Variants in ITGBL1 observed in about 807,000 individuals in gnomAD.
ITGBL1 encodes integrin beta-like protein 1.
ITGBL1 carries 51 observed loss-of-function variants against 68.5 expected under a neutral mutation model. The observed-to-expected ratio is 0.74, with a 90% CI of 0.59 to 0.94. The LOEUF (loss-of-function observed/expected upper bound fraction) is 0.94, where lower values mean the gene tolerates loss of function less well. Among genes scored for constraint, ITGBL1 ranks in the 40% least tolerant of loss-of-function variants. The pLI is 0.00. For missense variants in ITGBL1, 649 were observed against 647.4 expected (o/e 1.00, Z -0.03); for synonymous variants, 209 against 227.3 (o/e 0.92, Z 0.72).
intron 7 of ITGBL1, among the ~76,000 whole-genome samples, chr13:101,616,048 A>G (rs2031348708): frequency 6.6e-6 from 1 of 152,188 alleles, no homozygotes; most frequent in Admixed American, 6.5e-5. Flanking sequence ...TAAGACAAGT[A>G]TCAAAGTTCA....
intron 8 of ITGBL1, among the ~76,000 whole-genome samples, chr13:101,695,011 T>C (rs887514701): frequency 6.6e-6 from 1 of 152,140 alleles, no homozygotes; most frequent in African/African-American, 2.4e-5. Flanking sequence ...GAGCATTTGC[T>C]CTCCTGGAGC....
At position 101,598,200 on chromosome 13, in the gene ITGBL1, T is replaced by C. The variant is rs765652794; in HGVS notation, c.916T>C (p.Tyr306His). The C allele has an allele frequency of 1.9e-6, 3 of 1,613,664 alleles. No individual in the cohort carries two copies. Among genetic ancestry groups the C allele is most frequent in the Non-Finnish European group, 2.5e-6 (3 of 1,179,844 alleles). The change falls in exon 7 of 11, where the codon TAT becomes CAT. Residue 306 changes from tyrosine to histidine, a missense_variant. Transcript: ENST00000376180. Reference sequence around the variant, plus strand: ...AAGATGTGACTGCAAAGCAGGCTGGTATGGGAAGAAGTGTGAGCACCCACA... The same window carrying C: ...AAGATGTGACTGCAAAGCAGGCTGGCATGGGAAGAAGTGTGAGCACCCACA... The part of the protein sequence containing the change: ...CGRCDCKAGW[Y>H]GKKCEHPQSC...
chr13:101,508,034 A>G (rs944476531), intron 2 of ITGBL1, among the ~76,000 whole-genome samples: 2 of 151,996 alleles, frequency 1.3e-5, no homozygotes, highest in African/African-American at 2.4e-5. Flanking sequence ...TCAAAAGTCA[A>G]CTCTGATGAG....
intron 2 of ITGBL1, among the ~76,000 whole-genome samples, chr13:101,540,773 C>T (rs1452495943): frequency 6.6e-6 from 1 of 151,482 alleles, no homozygotes; most frequent in African/African-American, 2.4e-5. Context: ...CCTTCACATC[C>T]CTTGTAAGTT....
intron 8 of ITGBL1, among the ~76,000 whole-genome samples, chr13:101,701,465 G>A (rs1169639794): frequency 6.6e-6 from 1 of 152,030 alleles, no homozygotes; most frequent in Non-Finnish European, 1.5e-5. Context: ...CCCGGGAGTC[G>A]GAGGGTGCAG....
chr13:101,715,788 G>A lies in ITGBL1; in HGVS notation c.*134G>A, dbSNP rs1249173666. The A allele has an allele frequency of 1.9e-5, 11 of 566,908 alleles. No individual in the cohort carries two copies. Among genetic ancestry groups the A allele is most frequent in the South Asian group, 1.7e-4 (6 of 35,160 alleles). The allele number at this position is 566,908 out of a possible 1,614,324, so 35.1% of individuals were successfully genotyped here. The stretch of plus-strand genomic sequence containing the variant: ...GTATGTTTTTCTATTTCTGAATTAC[G>A]AATGAAATCCGAGTACCTATTAGAA... On this transcript the variant is annotated 3_prime_UTR_variant, in exon 11 of 11. Coordinates refer to ENST00000376180, the MANE Select transcript of ITGBL1 (RefSeq NM_004791.3).
chr13:101,695,436 A>G (rs1241769239), intron 8 of ITGBL1, among the ~76,000 whole-genome samples: 1 of 152,198 alleles, frequency 6.6e-6, no homozygotes, highest in Non-Finnish European at 1.5e-5. Context: ...AAACATGTTA[A>G]TAACTTGAGG....
rs113752370 is a variant in ITGBL1, at chr13:101,505,329, C to T, written c.316+51229C>T. Among the ~76,000 whole-genome samples, 837 of 152,158 alleles carry T rather than the reference C, an allele frequency of 5.5e-3. 4 individuals carry two copies. The highest frequency in any genetic ancestry group is 0.019 in the African/African-American group (791 of 41,536). On this transcript the variant is annotated intron_variant, in intron 2 of 10. Coordinates refer to ENST00000376180, the MANE Select transcript of ITGBL1 (RefSeq NM_004791.3). ...TTTTAACCTATTTTATGAACACTTC[C>T]TGAGTCCCTACTGTGGACTGGATGT...
chr13:101,483,244 G>A (rs1371276191), intron 2 of ITGBL1, among the ~76,000 whole-genome samples: 1 of 152,202 alleles, frequency 6.6e-6, no homozygotes, highest in Non-Finnish European at 1.5e-5. Context: ...GACTCAGGGA[G>A]TATCTCTGTC....
intron 2 of ITGBL1, among the ~76,000 whole-genome samples, chr13:101,552,885 A>G (rs2049943780): frequency 6.6e-6 from 1 of 152,182 alleles, no homozygotes. Flanking sequence ...CCATTTCACA[A>G]ATTTATTTGA....
chr13:101,459,275 C>A (rs2048286301), intron 2 of ITGBL1, among the ~76,000 whole-genome samples: 1 of 152,106 alleles, frequency 6.6e-6, no homozygotes, highest in Non-Finnish European at 1.5e-5. Context: ...ATGTTGTTAA[C>A]CTTGAGCCAG....
intron 2 of ITGBL1, among the ~76,000 whole-genome samples, chr13:101,534,261 T>C (rs1204200976): frequency 2.6e-5 from 4 of 152,110 alleles, no homozygotes; most frequent in African/African-American, 7.2e-5. Flanking sequence ...GGCTACTCTT[T>C]CCAGAAGCTT....
intron 2 of ITGBL1, among the ~76,000 whole-genome samples, chr13:101,513,077 G>A (rs1329685773): frequency 6.6e-6 from 1 of 152,048 alleles, no homozygotes; most frequent in Non-Finnish European, 1.5e-5. Flanking sequence ...TTATCGATGA[G>A]AACTTCTAAA....
chr13:101,482,751 C>A (rs577096481), intron 2 of ITGBL1, among the ~76,000 whole-genome samples: 69 of 151,892 alleles, frequency 4.5e-4, no homozygotes, highest in African/African-American at 1.6e-3. Flanking sequence ...TATTTGGGGT[C>A]CGTATAATAG....
intron 2 of ITGBL1, among the ~76,000 whole-genome samples, chr13:101,504,574 C>T (rs1272317603): frequency 1.3e-5 from 2 of 152,028 alleles, no homozygotes; most frequent in African/African-American, 2.4e-5. Flanking sequence ...TATTTACAAC[C>T]AACATTTTAG....
chr13:101,576,770 G>A (rs1237601089), intron 4 of ITGBL1, among the ~76,000 whole-genome samples: 1 of 152,028 alleles, frequency 6.6e-6, no homozygotes, highest in African/African-American at 2.4e-5. Flanking sequence ...AAACTACCTG[G>A]ATAAAACAAA....
chr13:101,467,077 C>G (rs2048391908), intron 2 of ITGBL1, among the ~76,000 whole-genome samples: 1 of 152,142 alleles, frequency 6.6e-6, no homozygotes. Flanking sequence ...CAGGCTCCCC[C>G]AAGCCTCTTT....
At chr13:101,605,978 A>ATG (rs1417455797) in intron 7 of ITGBL1, among the ~76,000 whole-genome samples, 1 of 146,852 alleles carries the variant, frequency 6.8e-6, no homozygotes, top group Non-Finnish European at 1.5e-5. Context: ...ATATGCATAT[A>ATG]TGTGTATATA....
intron 3 of ITGBL1, among the ~76,000 whole-genome samples, chr13:101,573,501 G>A (rs2050305929): frequency 6.6e-6 from 1 of 152,108 alleles, no homozygotes; most frequent in Non-Finnish European, 1.5e-5. Flanking sequence ...GAAAATGTTT[G>A]TAAATATGAT....
Sources: gnomAD v4.1 joint callset for allele counts (sites outside exome capture counted in the v4.1 genomes callset) on GRCh38, gnomAD v4.1.1 for gene constraint, MANE v1.5 for transcripts, NCBI Gene and HGNC (gene_info 2026-07-23, HGNC 2026-07-21) for gene names.